Variants in KIAA1549L observed in about 807,000 individuals in gnomAD.
The protein encoded by KIAA1549L is KIAA1549 like.
Under a neutral mutation model 160.7 loss-of-function variants are expected in KIAA1549L, and 88 were observed. The observed-to-expected ratio is 0.55, with a 90% CI of 0.46 to 0.65. KIAA1549L has a LOEUF of 0.65. Among genes scored for constraint, KIAA1549L ranks in the 30% least tolerant of loss-of-function variants. The probability of loss-of-function intolerance (pLI) is 0.00; values close to 1 mark genes in which losing one functional copy is unlikely to be tolerated. For synonymous variants in KIAA1549L, 950 were observed against 976.7 expected, an observed-to-expected ratio of 0.97 and a Z score of 0.51; for missense variants, 2,258 against 2,437.5, an observed-to-expected ratio of 0.93 and a Z score of 1.55.
intron 1 of KIAA1549L, among the ~76,000 whole-genome samples, chr11:33,412,676 C>T (rs552044665): frequency 1.3e-5 from 2 of 152,314 alleles, no homozygotes; most frequent in East Asian, 1.9e-4. Context: ...GATTAGAAAA[C>T]GGATAGCTTC....
chr11:33,506,350 C>T (rs149734988), intron 1 of KIAA1549L, among the ~76,000 whole-genome samples: 39 of 152,272 alleles, frequency 2.6e-4, no homozygotes, highest in East Asian at 5.8e-4. Flanking sequence ...GGCTGCAAGG[C>T]GCTCGAGTTA....
chr11:33,439,974 A>G (rs1851462472), intron 1 of KIAA1549L, among the ~76,000 whole-genome samples: 1 of 151,840 alleles, frequency 6.6e-6, no homozygotes, highest in African/African-American at 2.4e-5. Flanking sequence ...CATTTAGTCT[A>G]TTTACGTTGA....
intron 1 of KIAA1549L, among the ~76,000 whole-genome samples, chr11:33,463,577 A>G (rs568793066): frequency 1.8e-4 from 28 of 152,348 alleles, no homozygotes; most frequent in Admixed American, 9.1e-4. Flanking sequence ...AATCCCAAGG[A>G]CACTACTGAA....
In KIAA1549L at chr11:33,479,243, G is replaced by A. The variant is rs1284557702; in HGVS notation, c.239-62559G>A. On this transcript the variant is annotated intron_variant, in intron 1 of 20. Transcript: ENST00000658780. ...CTAGGTGCCTTCAGCTGCACTTGTA[G>A]CAACAAGGAGAGGCTGAGGCAAGGC... 2.0e-5 allele frequency among the ~76,000 whole-genome samples: 3 copies of A among 152,186 alleles called. No homozygotes were observed. The East Asian group carries it at 5.8e-4, about 29-fold the overall frequency.
At chr11:33,567,503 A>G (rs1282227545) in intron 8 of KIAA1549L, among the ~76,000 whole-genome samples, 1 of 152,164 alleles carries the variant, frequency 6.6e-6, no homozygotes, top group Non-Finnish European at 1.5e-5. Flanking sequence ...TGGGCATTCA[A>G]AGGACTCCAC....
At position 33,522,462 on chromosome 11, in the gene KIAA1549L, A is replaced by T. The variant is rs186753158; in HGVS notation, c.239-19340A>T. Reference sequence around the variant, plus strand: ...CTGCAGGTTTTTGGTGCCAAATGGTAAGAAGAACATCAGTACCCACGATAT... The same window carrying T: ...CTGCAGGTTTTTGGTGCCAAATGGTTAGAAGAACATCAGTACCCACGATAT... On this transcript the variant is annotated intron_variant, in intron 1 of 20. Coordinates refer to ENST00000658780, the MANE Select transcript of KIAA1549L (RefSeq NM_012194.3). Among the ~76,000 whole-genome samples, 180 of 152,290 alleles carry T rather than the reference A, an allele frequency of 1.2e-3. No individual in the cohort carries two copies. The South Asian group carries it at 0.025, about 21-fold the overall frequency.
Position 33,391,708 on chromosome 11 carries a change from C to G in KIAA1549L, c.238+14819C>G, listed in dbSNP as rs565310198. On this transcript the variant is annotated intron_variant, in intron 1 of 20. Coordinates refer to ENST00000658780, the MANE Select transcript of KIAA1549L (RefSeq NM_012194.3). ...ACCTTGGCCAGCTCTCACAACGGGT[C>G]GTGTTGGTCACTGGGAGATGCAGGG... Among the ~76,000 whole-genome samples the G allele has an allele frequency of 2.0e-5, 3 of 152,270 alleles. No individual in the cohort carries two copies. In the South Asian group the frequency reaches 6.2e-4, roughly 32 times the overall value.
rs1430744892 is a variant in KIAA1549L at position 33,519,260 on chromosome 11, CA to C, written c.239-22541del. ...TGTTAAATTATTCAATATTTCAATC[CA>C]TTTTTTTTGAGAGAGTAGATTTTAA... On this transcript the variant is annotated intron_variant, in intron 1 of 20. Coordinates refer to ENST00000658780, the MANE Select transcript of KIAA1549L (RefSeq NM_012194.3). Among the ~76,000 whole-genome samples the C allele has an allele frequency of 2.0e-5, 3 of 152,110 alleles. No individual in the cohort carries two copies. The East Asian group carries it at 5.8e-4, about 29-fold the overall frequency.
At chr11:33,665,020 C>G (rs1235379451) in intron 20 of KIAA1549L, among the ~76,000 whole-genome samples, 6 of 152,298 alleles carry the variant, frequency 3.9e-5, no homozygotes, top group Non-Finnish European at 1.5e-5. Context: ...CTTGCCTGAG[C>G]TCCTCCCACA....
At chr11:33,584,587 A>C (rs959724062) in intron 11 of KIAA1549L, among the ~76,000 whole-genome samples, 2 of 152,258 alleles carry the variant, frequency 1.3e-5, no homozygotes, top group Admixed American at 1.3e-4. Context: ...TGCTTAAATA[A>C]TGCCTTACAA....
intron 16 of KIAA1549L, among the ~76,000 whole-genome samples, chr11:33,622,934 T>G (rs1326038682): frequency 6.6e-6 from 1 of 152,224 alleles, no homozygotes; most frequent in African/African-American, 2.4e-5. Flanking sequence ...CCCAGCTTCC[T>G]TTGTTACAGG....
rs1265113542 is a variant in KIAA1549L at position 33,671,041 on chromosome 11, A to G, written c.*2887A>G. The G allele has an allele frequency of 6.6e-6, 1 of 152,236 alleles. No homozygotes were observed. The highest frequency in any genetic ancestry group is 2.4e-5 in the African/African-American group (1 of 41,464). The allele number at this position is 152,236 out of a possible 1,614,324, so 9.4% of individuals were successfully genotyped here. The stretch of plus-strand genomic sequence containing the variant: ...AACTCCATAATGTTCTTGCCAAGAA[A>G]AAAGATGATTGAGTATATAACGAAC... On this transcript the variant is annotated 3_prime_UTR_variant, in exon 21 of 21. Coordinates refer to ENST00000658780, the MANE Select transcript of KIAA1549L (RefSeq NM_012194.3).
intron 1 of KIAA1549L, among the ~76,000 whole-genome samples, chr11:33,536,642 G>A (rs1853899894): frequency 6.6e-6 from 1 of 152,098 alleles, no homozygotes; most frequent in Non-Finnish European, 1.5e-5. Flanking sequence ...TCAAGGAGAG[G>A]GGACATAGAC....
In KIAA1549L at chr11:33,668,065, AT is replaced by A. The variant is rs768382870; in HGVS notation, c.6353del (p.Ile2118ThrfsTer7). 10 of 1,613,988 alleles carry A rather than the reference AT, an allele frequency of 6.2e-6. No individual in the cohort carries two copies. The highest frequency in any genetic ancestry group is 8.5e-6 in the Non-Finnish European group (10 of 1,179,882). Reference protein sequence around the residue: ...NDPSDAPLTNISTAALVKAIR... With the variant: ...NDPSDAPLTNXSTAALVKAIR... ...CCCGTCTGACGCTCCCCTGACCAAC[AT>A]CTCCACTGCGGCCCTTGTGAAGGCC... On this transcript the variant is annotated frameshift_variant, in exon 21 of 21. Coordinates refer to ENST00000658780, the MANE Select transcript of KIAA1549L (RefSeq NM_012194.3). LOFTEE classifies it high-confidence loss of function.
chr11:33,452,787 C>CTG (rs928615464), intron 1 of KIAA1549L, among the ~76,000 whole-genome samples: 3 of 152,160 alleles, frequency 2.0e-5, no homozygotes, highest in African/African-American at 7.2e-5. Context: ...TCCCTCGCCC[C>CTG]TGTGTGTCCC....
intron 1 of KIAA1549L, among the ~76,000 whole-genome samples, chr11:33,477,289 G>C (rs774960067): frequency 5.9e-5 from 9 of 152,100 alleles, no homozygotes; most frequent in Non-Finnish European, 1.2e-4. Flanking sequence ...TGGAACACTG[G>C]GTGGGGAGCT....
chr11:33,386,105 C>T (rs1309652401), intron 1 of KIAA1549L, among the ~76,000 whole-genome samples: 3 of 152,164 alleles, frequency 2.0e-5, no homozygotes, highest in African/African-American at 7.2e-5. Context: ...GCTAGAACTT[C>T]TAGTACTTTG....
At chr11:33,646,662 T>A (rs1165229980) in intron 17 of KIAA1549L, among the ~76,000 whole-genome samples, 1 of 152,208 alleles carries the variant, frequency 6.6e-6, no homozygotes, top group Non-Finnish European at 1.5e-5. Flanking sequence ...CATTGCAACC[T>A]TACACACACA....
At chr11:33,614,545 T>C (rs1850733195) in intron 15 of KIAA1549L, among the ~76,000 whole-genome samples, 2 of 8,074 alleles carry the variant, frequency 2.5e-4, no homozygotes, top group Non-Finnish European at 4.9e-4. Flanking sequence ...TATATATATA[T>C]ATATATATAT....
Sources: gnomAD v4.1 joint callset for allele counts (sites outside exome capture counted in the v4.1 genomes callset) on GRCh38, gnomAD v4.1.1 for gene constraint, MANE v1.5 for transcripts, NCBI Gene and HGNC (gene_info 2026-07-23, HGNC 2026-07-21) for gene names.